CATSPERB: variants seen among roughly 807,000 people sequenced by gnomAD.
The protein encoded by CATSPERB is catsper channel auxiliary subunit beta, also known as cation channel sperm-associated auxiliary subunit beta.
A neutral mutation model predicts 128.3 loss-of-function variants in CATSPERB; 93 were observed. The observed-to-expected ratio is 0.72, with a 90% CI of 0.61 to 0.86. CATSPERB has a LOEUF of 0.86. Among genes scored for constraint, CATSPERB ranks in the 40% least tolerant of loss-of-function variants. The pLI is 0.00. For synonymous variants in CATSPERB, 381 were observed against 448.8 expected, an observed-to-expected ratio of 0.85 and a Z score of 1.91; for missense variants, 1,153 against 1,329.5, an observed-to-expected ratio of 0.87 and a Z score of 2.06.
chr14:91,604,657 C>T (rs914032251), intron 22 of CATSPERB: 2 of 1,612,190 alleles, frequency 1.2e-6, no homozygotes, highest in African/African-American at 2.7e-5. Context: ...TCTGAGTGTT[C>T]CAGGAGTGGT....
intron 21 of CATSPERB, among the ~76,000 whole-genome samples, chr14:91,609,161 T>A (rs1893772241): frequency 6.6e-6 from 1 of 152,146 alleles, no homozygotes; most frequent in South Asian, 2.1e-4. Context: ...AAACTGCAGC[T>A]GAAGAACCTC....
intron 11 of CATSPERB, 107 bp downstream of exon 11, chr14:91,683,770 T>G: frequency 1.5e-6 from 1 of 685,148 alleles, no homozygotes; most frequent in Non-Finnish European, 2.4e-6. Flanking sequence ...CTCCCCAGCC[T>G]AAAGTTTGGA....
intron 9 of CATSPERB, among the ~76,000 whole-genome samples, chr14:91,692,175 CAAAAAAAAAAAA>C (rs748422210): frequency 1.8e-5 from 1 of 55,512 alleles, no homozygotes; most frequent in Non-Finnish European, 3.7e-5. Flanking sequence ...GACTCAGTCT[CAAAAAAAAAAAA>C]AAAAAAAAAG....
Position 91,659,882 on chromosome 14 carries a change from T to C in CATSPERB, c.1387A>G (p.Ile463Val). Residue 463 changes from isoleucine to valine, a missense_variant, in exon 15 of 27, where the codon ATT becomes GTT. Transcript: ENST00000256343. Reference sequence around the variant, plus strand: ...TTTCCACGTTGAGAAACAAAAGTAATAGCTGATGTATAAAAACTATGAAAA... The same window carrying C: ...TTTCCACGTTGAGAAACAAAAGTAACAGCTGATGTATAAAAACTATGAAAA... ...KTFHSFYTSA[I>V]TFVSQRGKVY... 3 of 1,602,516 alleles carry C rather than the reference T, an allele frequency of 1.9e-6. No homozygotes were observed. The highest frequency in any genetic ancestry group is 2.3e-5 in the South Asian group (2 of 87,822).
chr14:91,613,013 C>T (rs1010359020), intron 20 of CATSPERB, among the ~76,000 whole-genome samples: 21 of 151,986 alleles, frequency 1.4e-4, no homozygotes, highest in Non-Finnish European at 1.0e-4. Context: ...AACAAACTGA[C>T]TATAATTTTT....
chr14:91,585,452 G>T (rs573660535), intron 26 of CATSPERB, among the ~76,000 whole-genome samples: 1 of 152,168 alleles, frequency 6.6e-6, no homozygotes, highest in African/African-American at 2.4e-5. Context: ...CAAGTTCACT[G>T]ATTTTTTTCC....
chr14:91,602,953 C>T (rs1893632187), intron 22 of CATSPERB, among the ~76,000 whole-genome samples: 1 of 152,116 alleles, frequency 6.6e-6, no homozygotes, highest in South Asian at 2.1e-4. Flanking sequence ...CTCTTCTTTT[C>T]TCATCTGATT....
intron 10 of CATSPERB, among the ~76,000 whole-genome samples, chr14:91,688,840 A>G (rs1895418754): frequency 1.3e-5 from 2 of 152,210 alleles, no homozygotes; most frequent in Admixed American, 1.3e-4. Context: ...GTAATCACAG[A>G]GTAGGTGCTC....
intron 26 of CATSPERB, among the ~76,000 whole-genome samples, chr14:91,585,386 A>ATCT (rs900385070): frequency 9.2e-5 from 14 of 152,158 alleles, no homozygotes; most frequent in African/African-American, 3.4e-4. Context: ...CTGAGGCAAG[A>ATCT]TCTTCTTCTT....
At chr14:91,604,449 C>A in intron 22 of CATSPERB, 1 of 1,469,172 alleles carries the variant, frequency 6.8e-7, no homozygotes, top group Admixed American at 1.7e-5. Context: ...AGGAATAAAT[C>A]CACAGCTTGT....
At chr14:91,698,935 TA>T (rs1332919968) in intron 7 of CATSPERB, among the ~76,000 whole-genome samples, 1 of 152,238 alleles carries the variant, frequency 6.6e-6, no homozygotes, top group African/African-American at 2.4e-5. Flanking sequence ...AGCTCCCACT[TA>T]TAAGTGAGAA....
Position 91,608,361 on chromosome 14 carries a change from A to G in CATSPERB, c.2642T>C (p.Leu881Pro). 1 of 1,611,910 alleles carries G rather than the reference A, an allele frequency of 6.2e-7. No homozygotes were observed. The highest frequency in any genetic ancestry group is 1.3e-5 in the African/African-American group (1 of 75,002). Residue 881 changes from leucine to proline, a missense_variant, in exon 22 of 27, where the codon CTC becomes CCC. Coordinates refer to ENST00000256343, the MANE Select transcript of CATSPERB (RefSeq NM_024764.4). The stretch of plus-strand genomic sequence containing the variant: ...ATCTGCATGATAAAAATTATCTGTG[A>G]GTGGAATAGCAATTCCCATATTAGA... The part of the protein sequence containing the change: ...PPSNMGIAIP[L>P]TDNFYHADPS...
At chr14:91,696,659 G>A (rs1895567714) in intron 7 of CATSPERB, among the ~76,000 whole-genome samples, 1 of 152,170 alleles carries the variant, frequency 6.6e-6, no homozygotes, top group Non-Finnish European at 1.5e-5. Flanking sequence ...GTTTAAGATG[G>A]GGGATATTAG....
intron 22 of CATSPERB, among the ~76,000 whole-genome samples, chr14:91,593,930 C>A (rs1893454649): frequency 6.6e-6 from 1 of 152,118 alleles, no homozygotes; most frequent in Non-Finnish European, 1.5e-5. Context: ...CTTTCCCATG[C>A]TATTCTCATG....
Position 91,673,652 on chromosome 14 carries a change from A to AG in CATSPERB, c.978+523dup, listed in dbSNP as rs566124575. 8.5e-3 allele frequency among the ~76,000 whole-genome samples: 1,297 copies of AG among 152,218 alleles called. 22 individuals are homozygous for AG. Among genetic ancestry groups the AG allele is most frequent in the Middle Eastern group, 0.01 (3 of 294 alleles). ...GTAACCCCAGCACTTTGGGAGGCCA[A>AG]GGGGGGTGGGTCACGAGGTCAAGAG... On this transcript the variant is annotated intron_variant, in intron 12 of 26. Coordinates refer to ENST00000256343, the MANE Select transcript of CATSPERB (RefSeq NM_024764.4).
intron 26 of CATSPERB, among the ~76,000 whole-genome samples, chr14:91,584,591 C>A (rs955515430): frequency 1.3e-5 from 2 of 152,196 alleles, no homozygotes; most frequent in Non-Finnish European, 2.9e-5. Context: ...GAGAAGTTCT[C>A]CTGACAATGG....
intron 17 of CATSPERB, among the ~76,000 whole-genome samples, chr14:91,632,107 T>C (rs1312590997): frequency 6.6e-6 from 1 of 152,084 alleles, no homozygotes; most frequent in Non-Finnish European, 1.5e-5. Flanking sequence ...AAGACAAATA[T>C]ATTAGTAAAA....
chr14:91,676,340 C>T (rs55739434), intron 11 of CATSPERB, among the ~76,000 whole-genome samples: 2,223 of 152,200 alleles, frequency 0.015, 30 homozygotes, highest in Non-Finnish European at 0.024. Flanking sequence ...ATATAGGCTG[C>T]TCCTCTGCTC....
Position 91,580,803 on chromosome 14 carries a change from G to T in CATSPERB, c.*86C>A. On this transcript the variant is annotated 3_prime_UTR_variant, in exon 27 of 27. Transcript: ENST00000256343. The stretch of plus-strand genomic sequence containing the variant: ...TGACAATTCTTTAGGATTTTATGTA[G>T]CTTGCATATTTAACATTTAAATATA... The T allele has an allele frequency of 1.0e-6, 1 of 981,900 alleles. No individual in the cohort carries two copies. Among genetic ancestry groups the T allele is most frequent in the Non-Finnish European group, 1.5e-6 (1 of 648,902 alleles). The allele number at this position is 981,900 out of a possible 1,614,324, so 60.8% of individuals were successfully genotyped here.
Sources: gnomAD v4.1 joint callset for allele counts (sites outside exome capture counted in the v4.1 genomes callset) on GRCh38, gnomAD v4.1.1 for gene constraint, MANE v1.5 for transcripts, NCBI Gene and HGNC (gene_info 2026-07-23, HGNC 2026-07-21) for gene names.